The following AVEN variants were observed in gnomAD, a reference collection of about 807,000 sequenced individuals.
AVEN encodes the protein apoptosis and caspase activation inhibitor, also known as cell death regulator Aven.
Under a neutral mutation model 38.1 loss-of-function variants are expected in AVEN, and 41 were observed. The observed-to-expected ratio is 1.08, with a 90% CI of 0.84 to 1.40. The LOEUF is 1.40. AVEN is among the 40% of genes most tolerant of loss of function. AVEN has a pLI of 0.00. For synonymous variants in AVEN, 206 were observed against 171.8 expected (o/e 1.20, Z -1.56); for missense variants, 605 against 438.8 (o/e 1.38, Z -3.38).
intron 2 of AVEN, among the ~76,000 whole-genome samples, chr15:33,987,105 G>T (rs1279423970): frequency 6.6e-6 from 1 of 152,136 alleles, no homozygotes; most frequent in Non-Finnish European, 1.5e-5. Context: ...TAATTCATTA[G>T]CATTAATTCC....
Position 34,072,277 on chromosome 15 carries a change from T to A in AVEN, n.721-1626A>T, listed in dbSNP as rs924931175. Reference sequence around the variant, plus strand: ...GAGTGAGACCCTGTCTTTAAAAAAATAATAATAATACATATATTCTAAGAA... The same window carrying A: ...GAGTGAGACCCTGTCTTTAAAAAAAAAATAATAATACATATATTCTAAGAA... On this transcript the variant is annotated intron_variant and non_coding_transcript_variant, in intron 1 of 11. Coordinates refer to the AVEN transcript ENST00000675287. 6.2e-4 allele frequency among the ~76,000 whole-genome samples: 94 copies of A among 150,970 alleles called. 1 individual carries two copies. The highest frequency in any genetic ancestry group is 2.1e-3 in the African/African-American group (87 of 41,124).
chr15:33,945,864 C>T (rs142296209), intron 2 of AVEN, among the ~76,000 whole-genome samples: 2,125 of 152,224 alleles, frequency 0.014, 44 homozygotes, highest in African/African-American at 0.049. Context: ...GGATTACAAG[C>T]GTGAGCCACC....
chr15:33,853,905 C>G (rs1247714455), downstream of AVEN, among the ~76,000 whole-genome samples: 2 of 151,980 alleles, frequency 1.3e-5, no homozygotes, highest in Non-Finnish European at 2.9e-5. Flanking sequence ...ATTAAAATTT[C>G]AGGTTGGGCT....
At chr15:33,881,367 G>C (rs1891479496) in intron 2 of AVEN, among the ~76,000 whole-genome samples, 1 of 151,576 alleles carries the variant, frequency 6.6e-6, no homozygotes, top group Admixed American at 6.6e-5. Flanking sequence ...TTACAGGTAT[G>C]AGACACTGCA....
chr15:33,852,523 T>C, the AVEN span: 1 of 155,298 alleles, frequency 6.4e-6, no homozygotes, highest in Non-Finnish European at 1.4e-5. Flanking sequence ...GGAAAAACAC[T>C]CAGCTTAAAA....
chr15:33,869,678 T>G (rs1394822808), intron 4 of AVEN, among the ~76,000 whole-genome samples: 1 of 152,168 alleles, frequency 6.6e-6, no homozygotes, highest in East Asian at 1.9e-4. Flanking sequence ...CTGTCCCAAA[T>G]TTTAGACTAG....
intron 2 of AVEN, among the ~76,000 whole-genome samples, chr15:33,902,154 T>TCAG (rs1375542062): frequency 3.3e-5 from 1 of 30,030 alleles, no homozygotes; most frequent in Non-Finnish European, 3.4e-4. Flanking sequence ...CCTCTTTATT[T>TCAG]CAACGTTTTA....
At position 34,053,319 on chromosome 15, in the gene AVEN, A is replaced by AAAAAT. The variant is rs775436850; in HGVS notation, n.1637+9602_1637+9603insATTTT. Among the ~76,000 whole-genome samples the AAAAAT allele has an allele frequency of 7.2e-3, 302 of 41,920 alleles. 3 individuals are homozygous for AAAAAT. The highest frequency in any genetic ancestry group is 0.022 in the Middle Eastern group (1 of 46). 27.5% of individuals were successfully genotyped at this position (41,920 alleles called of 152,430 possible). On this transcript the variant is annotated intron_variant and non_coding_transcript_variant, in intron 5 of 11. Transcript: ENST00000675287. ...CATCTCAAAAAAAAAAAAAAAAAAA[A>AAAAAT]ATATATATATATATATATATATATG... is the stretch of plus-strand genomic sequence containing the variant.
downstream of AVEN, among the ~76,000 whole-genome samples, chr15:33,862,128 C>A (rs554938319): frequency 6.6e-6 from 1 of 152,280 alleles, no homozygotes; most frequent in South Asian, 2.1e-4. Context: ...TGTAACTGTT[C>A]ATTTACAAGA....
In AVEN at chr15:33,941,365, A is replaced by G. The variant is rs78631615; in HGVS notation, c.445+61667T>C. Among the ~76,000 whole-genome samples the G allele has an allele frequency of 9.2e-4, 140 of 152,220 alleles. 2 individuals are homozygous for G. In the East Asian group the frequency reaches 0.024, roughly 26 times the overall value. ...AATCATTTATCTATTTCTAAATATT[A>G]ATTTTCCAACATCCAACTATTTAAG... On this transcript the variant is annotated intron_variant, in intron 2 of 5. Transcript: ENST00000306730.
chr15:34,013,754 T>TG (rs1452727833), intron 1 of AVEN, among the ~76,000 whole-genome samples: 2 of 151,924 alleles, frequency 1.3e-5, no homozygotes, highest in East Asian at 3.9e-4. Context: ...GAAGGGGGAA[T>TG]GGGGGACATC....
chr15:33,920,779 T>C (rs1247461250), intron 2 of AVEN, among the ~76,000 whole-genome samples: 1 of 152,040 alleles, frequency 6.6e-6, no homozygotes, highest in East Asian at 1.9e-4. Context: ...TACTTCCTTT[T>C]TTTTTAGATG....
chr15:33,873,203 G>A (rs1009741038), intron 3 of AVEN, among the ~76,000 whole-genome samples: 8 of 143,774 alleles, frequency 5.6e-5, no homozygotes, highest in African/African-American at 1.6e-4. Context: ...TGGTTCAAGC[G>A]ATTCTCCTGC....
chr15:33,891,738 T>C (rs1204875421), intron 2 of AVEN, among the ~76,000 whole-genome samples: 2 of 152,232 alleles, frequency 1.3e-5, no homozygotes, highest in Non-Finnish European at 2.9e-5. Flanking sequence ...CCTTTGGGTA[T>C]ATACCCAGTA....
intron 2 of AVEN, among the ~76,000 whole-genome samples, chr15:33,973,903 T>A (rs1169543272): frequency 2.0e-5 from 3 of 152,192 alleles, no homozygotes; most frequent in African/African-American, 7.2e-5. Context: ...GCCAGAAGAA[T>A]AGTGATCCTA....
upstream of AVEN, among the ~76,000 whole-genome samples, chr15:34,042,066 G>A (rs1032302176): frequency 1.3e-5 from 2 of 152,174 alleles, no homozygotes; most frequent in Admixed American, 6.5e-5. Flanking sequence ...CTTTCAACAA[G>A]GATACGGTAT....
intron 2 of AVEN, among the ~76,000 whole-genome samples, chr15:33,938,373 T>G (rs545178384): frequency 6.6e-6 from 1 of 152,122 alleles, no homozygotes; most frequent in South Asian, 2.1e-4. Flanking sequence ...GAGAATGGCG[T>G]GAACCCAGGA....
chr15:33,983,223 T>TACAC lies in AVEN; in HGVS notation c.445+19805_445+19808dup, dbSNP rs1555512827. Among the ~76,000 whole-genome samples, 92 of 110,662 alleles carry TACAC rather than the reference T, an allele frequency of 8.3e-4. 1 individual carries two copies. The highest frequency in any genetic ancestry group is 3.7e-3 in the African/African-American group (91 of 24,412). The allele number at this position is 110,662 out of a possible 152,430, so 72.6% of individuals were successfully genotyped here. A position where few individuals can be genotyped will look rare whatever the true frequency, so the allele number is the denominator to read the frequency against. ...GTGTATATATATATATACATATATA[T>TACAC]ACACACACATACACACACACACATA... is the stretch of plus-strand genomic sequence containing the variant. On this transcript the variant is annotated intron_variant, in intron 2 of 5. Transcript: ENST00000306730.
Position 33,870,983 on chromosome 15 carries a change from T to C in AVEN, c.564A>G (p.Gln188=), listed in dbSNP as rs989225153. ...VDSELLVRAL[Q]ELPLCLRLNV... is the part of the protein sequence containing the mutation. Reference sequence around the variant, plus strand: ...TGAGTCGGAGGCAGAGAGGCAGCTCTTGAAGGGCTCGAACCAATAACTCAC... The same window carrying C: ...TGAGTCGGAGGCAGAGAGGCAGCTCCTGAAGGGCTCGAACCAATAACTCAC... Residue 188 remains glutamine, a synonymous_variant, in exon 4 of 6, where the codon CAA becomes CAG. Transcript: ENST00000306730. 9 of 1,611,252 alleles carry C rather than the reference T, an allele frequency of 5.6e-6. No homozygotes were observed. The African/African-American group carries it at 6.7e-5, about 12-fold the overall frequency.
Sources: gnomAD v4.1 joint callset for allele counts (sites outside exome capture counted in the v4.1 genomes callset) on GRCh38, gnomAD v4.1.1 for gene constraint, MANE v1.5 for transcripts, NCBI Gene and HGNC (gene_info 2026-07-23, HGNC 2026-07-21) for gene names.